Variants in MAP2K6 observed in about 807,000 individuals in gnomAD.
MAP2K6 encodes dual specificity mitogen-activated protein kinase kinase 6.
A neutral mutation model predicts 53.7 loss-of-function variants in MAP2K6; 16 were observed. The observed-to-expected ratio is 0.30, with a 90% confidence interval of 0.20 to 0.45. The LOEUF is 0.45. Among genes scored for constraint, MAP2K6 ranks in the 20% least tolerant of loss-of-function variants. The pLI is 1.00. For synonymous variants in MAP2K6, 132 were observed against 143.1 expected, an observed-to-expected ratio of 0.92 and a Z score of 0.55; for missense variants, 204 against 411.9, an observed-to-expected ratio of 0.50 and a Z score of 4.37.
rs915517154 is a variant in MAP2K6 at position 69,454,254 on chromosome 17, G to C, written c.16+39254G>C. 6.6e-5 allele frequency among the ~76,000 whole-genome samples: 10 copies of C among 152,294 alleles called. No homozygotes were observed. The South Asian group carries it at 2.1e-3, about 32-fold the overall frequency. ...CTTTGAGCTTTGTGAAAGCTTCCAG[G>C]TTCCAGTGATTAAGCCATTACTCCT... On this transcript the variant is annotated intron_variant, in intron 1 of 11. Transcript: ENST00000590474.
chr17:69,525,700 T>C (rs1447126472), intron 9 of MAP2K6, among the ~76,000 whole-genome samples: 1 of 152,042 alleles, frequency 6.6e-6, no homozygotes, highest in African/African-American at 2.4e-5. Context: ...ATGAGAACCA[T>C]AGAACAGTAT....
intron 2 of MAP2K6, 113 bp downstream of exon 2, chr17:69,505,959 G>A: frequency 1.2e-6 from 1 of 826,630 alleles, no homozygotes; most frequent in South Asian, 1.7e-5. Context: ...GCCCTTTAAG[G>A]GGGAAGCCAT....
chr17:69,508,915 G>C (rs1280003403), intron 2 of MAP2K6, among the ~76,000 whole-genome samples: 3 of 152,104 alleles, frequency 2.0e-5, no homozygotes, highest in African/African-American at 7.2e-5. Flanking sequence ...AATACCAATT[G>C]GGCATATTTG....
At chr17:69,503,901 A>G (rs2145219175) in intron 1 of MAP2K6, among the ~76,000 whole-genome samples, 1 of 152,316 alleles carries the variant, frequency 6.6e-6, no homozygotes, top group South Asian at 2.1e-4. Context: ...ATGAAAAGTG[A>G]TTCTAGAAGT....
rs1243509163 is a variant in MAP2K6 at position 69,553,042 on chromosome 17, T to C, written c.*11289T>C. 2.6e-5 allele frequency: 4 copies of C among 152,230 alleles called. No individual in the cohort carries two copies. The highest frequency in any genetic ancestry group is 5.9e-5 in the Non-Finnish European group (4 of 68,038). The allele number at this position is 152,230 out of a possible 1,614,324, so 9.4% of individuals were successfully genotyped here. On this transcript the variant is annotated 3_prime_UTR_variant, in exon 12 of 12. Transcript: ENST00000590474. ...TGTAGCTTTAAAGAAATTATGTTTC[T>C]TTTTAACATTTGGAGAAGCCACCTG...
chr17:69,416,153 G>A (rs1305393593), intron 1 of MAP2K6, among the ~76,000 whole-genome samples: 1 of 152,152 alleles, frequency 6.6e-6, no homozygotes, highest in Non-Finnish European at 1.5e-5. Context: ...AGTAAGACAT[G>A]GTGAAATTAA....
At chr17:69,493,225 T>A (rs998115805) in intron 1 of MAP2K6, among the ~76,000 whole-genome samples, 5 of 152,104 alleles carry the variant, frequency 3.3e-5, no homozygotes, top group Non-Finnish European at 7.3e-5. Flanking sequence ...TGTTTTTACC[T>A]TATGAAAATG....
At chr17:69,488,300 G>T (rs1358012210) in intron 1 of MAP2K6, among the ~76,000 whole-genome samples, 1 of 152,172 alleles carries the variant, frequency 6.6e-6, no homozygotes, top group Non-Finnish European at 1.5e-5. Flanking sequence ...TAGAGAAGAA[G>T]AAATGCTTAT....
chr17:69,505,900 C>T lies in MAP2K6; in HGVS notation c.83+54C>T. On this transcript the variant is annotated intron_variant, in intron 2 of 11. Transcript: ENST00000590474. ...CAAATCCTTGTGCTTTCAGATTCCTCCTGGGGGTTTATTTTTGGACTGCTG... is the reference window on the plus strand; with the variant it reads ...CAAATCCTTGTGCTTTCAGATTCCTTCTGGGGGTTTATTTTTGGACTGCTG... 2.0e-6 allele frequency: 3 copies of T among 1,504,362 alleles called. No individual in the cohort carries two copies. In the Admixed American group the frequency reaches 5.2e-5, roughly 26 times the overall value. The allele number at this position is 1,504,362 out of a possible 1,614,324, so 93.2% of individuals were successfully genotyped here. A position where few individuals can be genotyped will look rare whatever the true frequency, so the allele number is the denominator to read the frequency against.
chr17:69,522,076 G>C (rs1375372027), intron 7 of MAP2K6, among the ~76,000 whole-genome samples: 1 of 152,174 alleles, frequency 6.6e-6, no homozygotes, highest in African/African-American at 2.4e-5. Context: ...GGTGATTGTA[G>C]TCAGGGAAAC....
At chr17:69,432,297 A>T (rs1328733023) in intron 1 of MAP2K6, among the ~76,000 whole-genome samples, 1 of 152,206 alleles carries the variant, frequency 6.6e-6, no homozygotes, top group African/African-American at 2.4e-5. Context: ...CATTCCCATT[A>T]CTGGGTATAT....
At chr17:69,478,241 A>T (rs1305228484) in intron 1 of MAP2K6, among the ~76,000 whole-genome samples, 1 of 152,186 alleles carries the variant, frequency 6.6e-6, no homozygotes, top group Non-Finnish European at 1.5e-5. Flanking sequence ...TGGAAATTCA[A>T]CCAAAGAGGC....
At position 69,543,915 on chromosome 17, in the gene MAP2K6, A is replaced by T. The variant is rs949351934; in HGVS notation, c.*2162A>T. On this transcript the variant is annotated 3_prime_UTR_variant, in exon 12 of 12. Transcript: ENST00000590474. ...TCTATGGTTCTCAACCCTCGTGTAC[A>T]TTGGAACCATCTGGGAGCTGTGAAC... is the stretch of plus-strand genomic sequence containing the variant. 6 of 152,310 alleles carry T rather than the reference A, an allele frequency of 3.9e-5. No homozygotes were observed. The highest frequency in any genetic ancestry group is 3.3e-4 in the Admixed American group (5 of 15,300). 9.4% of individuals were successfully genotyped at this position (152,310 alleles called of 1,614,324 possible). A position where few individuals can be genotyped will look rare whatever the true frequency, so the allele number is the denominator to read the frequency against.
rs1365711959 is a variant in MAP2K6, at chr17:69,543,045, T to A, written c.*1292T>A. ...TATAGGAGATGAGCTTCATTGGGAG[T>A]TCCTAGCAAGTTGACTAAACAGCAA... On this transcript the variant is annotated 3_prime_UTR_variant, in exon 12 of 12. Transcript: ENST00000590474. 6.6e-6 allele frequency: 1 copy of A among 151,928 alleles called. No individual in the cohort carries two copies. Among genetic ancestry groups the A allele is most frequent in the African/African-American group, 2.4e-5 (1 of 41,324 alleles). 9.4% of individuals were successfully genotyped at this position (151,928 alleles called of 1,614,324 possible).
At chr17:69,463,767 C>T (rs1255419247) in intron 1 of MAP2K6, among the ~76,000 whole-genome samples, 1 of 151,504 alleles carries the variant, frequency 6.6e-6, no homozygotes, top group East Asian at 1.9e-4. Context: ...AAGCTATAAC[C>T]AACAATTTGG....
intron 2 of MAP2K6, among the ~76,000 whole-genome samples, chr17:69,512,154 C>T (rs1390449477): frequency 1.3e-5 from 2 of 149,550 alleles, no homozygotes; most frequent in African/African-American, 4.9e-5. Context: ...GGCATATAAG[C>T]TCAGGAATCT....
intron 10 of MAP2K6, among the ~76,000 whole-genome samples, chr17:69,534,026 T>A (rs1911228661): frequency 6.6e-6 from 1 of 152,188 alleles, no homozygotes; most frequent in Non-Finnish European, 1.5e-5. Context: ...TCATGACATT[T>A]TGGGCTAGAG....
At chr17:69,502,117 A>G (rs1271078559) in intron 1 of MAP2K6, 6 of 959,516 alleles carry the variant, frequency 6.3e-6, no homozygotes, top group Non-Finnish European at 6.2e-6. Context: ...TTATTCCTCC[A>G]AGTCTGGTTA....
At position 69,524,890 on chromosome 17, in the gene MAP2K6, C is replaced by A; in HGVS notation, c.664-11C>A. 1.2e-6 allele frequency: 2 copies of A among 1,604,308 alleles called. No individual in the cohort carries two copies. Among genetic ancestry groups the A allele is most frequent in the South Asian group, 2.2e-5 (2 of 90,858 alleles). Reference sequence around the variant, plus strand: ...TCTTCCCAGTTTCTCAGTTGTCTGTCTTCTTTCCAGCCTGAAAGAATAAAC... The same window carrying A: ...TCTTCCCAGTTTCTCAGTTGTCTGTATTCTTTCCAGCCTGAAAGAATAAAC... On this transcript the variant is annotated splice_polypyrimidine_tract_variant and intron_variant, in intron 8 of 11. Coordinates refer to ENST00000590474, the MANE Select transcript of MAP2K6 (RefSeq NM_002758.4).
Sources: allele counts gnomAD v4.1 joint callset (sites outside exome capture counted in the v4.1 genomes callset), GRCh38; gene constraint gnomAD v4.1.1; transcripts MANE v1.5; gene names NCBI Gene and HGNC (gene_info 2026-07-23, HGNC 2026-07-21).